RBFOX1: variants seen among roughly 807,000 people sequenced by gnomAD.
The protein encoded by RBFOX1 is RNA binding protein fox-1 homolog 1.
RBFOX1 carries 8 observed loss-of-function variants against 57.7 expected under a neutral mutation model. The ratio of observed to expected loss-of-function variants is 0.14; its 90% confidence interval spans 0.08 to 0.25. The LOEUF (loss-of-function observed/expected upper bound fraction) is 0.25. Ranked by LOEUF, RBFOX1 falls within the 10% of genes least tolerant of loss-of-function variation. The probability of loss-of-function intolerance (pLI) is 1.00; values close to 1 mark genes in which losing one functional copy is unlikely to be tolerated. For synonymous variants in RBFOX1, 326 were observed against 222.4 expected (o/e 1.47, Z -4.15); for missense variants, 611 against 548.5 (o/e 1.11, Z -1.14).
intron 2 of RBFOX1, among the ~76,000 whole-genome samples, chr16:5,563,121 T>G (rs1017655666): frequency 6.6e-6 from 1 of 152,172 alleles, no homozygotes; most frequent in Non-Finnish European, 1.5e-5. Flanking sequence ...GGCTAATTTT[T>G]GCATTTTTGT....
At chr16:7,182,309 GC>G (rs1253220997) in intron 4 of RBFOX1, among the ~76,000 whole-genome samples, 3 of 151,848 alleles carry the variant, frequency 2.0e-5, no homozygotes, top group East Asian at 1.9e-4. Flanking sequence ...AGAGTCACCT[GC>G]CCCCCTGCAA....
chr16:7,362,654 A>G (rs1044039885), intron 4 of RBFOX1, among the ~76,000 whole-genome samples: 5 of 148,866 alleles, frequency 3.4e-5, no homozygotes, highest in African/African-American at 1.3e-4. Flanking sequence ...TAGTATGTGT[A>G]TGTTTTTTAT....
intron 2 of RBFOX1, among the ~76,000 whole-genome samples, chr16:6,641,493 G>A (rs2098487275): frequency 6.6e-6 from 1 of 152,068 alleles, no homozygotes; most frequent in Non-Finnish European, 1.5e-5. Flanking sequence ...CCAGCACTTT[G>A]GGAGGCCGAG....
At position 6,669,560 on chromosome 16, in the gene RBFOX1, T is replaced by C. The variant is rs150982139; in HGVS notation, c.-16+14910T>C. Among the ~76,000 whole-genome samples the C allele has an allele frequency of 1.6e-3, 241 of 152,326 alleles. 2 individuals are homozygous for C. The highest frequency in any genetic ancestry group is 5.4e-3 in the African/African-American group (225 of 41,578). ...ATACAGCTTGACGTTTTGATTTTCA[T>C]ATACATTATGAAAAAGTCGTTAGAA... On this transcript the variant is annotated intron_variant, in intron 3 of 15. Transcript: ENST00000550418.
At chr16:7,048,765 C>T (rs867144437) in intron 3 of RBFOX1, among the ~76,000 whole-genome samples, 1 of 152,090 alleles carries the variant, frequency 6.6e-6, no homozygotes, top group African/African-American at 2.4e-5. Flanking sequence ...TTCTTGGTTC[C>T]TAGTATGCTA....
At chr16:7,133,644 C>A (rs868047399) in intron 4 of RBFOX1, among the ~76,000 whole-genome samples, 4 of 152,054 alleles carry the variant, frequency 2.6e-5, no homozygotes. Context: ...CCTTGTAGAG[C>A]TTTTCTGTAT....
At chr16:7,432,022 A>G (rs2149610784) in intron 4 of RBFOX1, among the ~76,000 whole-genome samples, 1 of 152,306 alleles carries the variant, frequency 6.6e-6, no homozygotes, top group South Asian at 2.1e-4. Flanking sequence ...CGCTCCTTCC[A>G]CTTGCTTTCC....
At chr16:7,692,885 TCTTA>T (rs1040863234) in intron 14 of RBFOX1, among the ~76,000 whole-genome samples, 2 of 101,478 alleles carry the variant, frequency 2.0e-5, no homozygotes, top group Non-Finnish European at 4.5e-5. Flanking sequence ...CAGCACTTTT[TCTTA>T]TTTTTTTTTG....
At chr16:7,253,275 C>T (rs1363878210) in intron 4 of RBFOX1, among the ~76,000 whole-genome samples, 1 of 152,206 alleles carries the variant, frequency 6.6e-6, no homozygotes, top group African/African-American at 2.4e-5. Context: ...ACAAATCATT[C>T]TGTCAGTTCT....
chr16:6,098,587 C>G (rs1249545607), intron 1 of RBFOX1, among the ~76,000 whole-genome samples: 1 of 152,220 alleles, frequency 6.6e-6, no homozygotes, highest in African/African-American at 2.4e-5. Context: ...CTGCTTCAGT[C>G]TTTTGTTTCT....
chr16:7,292,961 G>C (rs115019014), intron 4 of RBFOX1, among the ~76,000 whole-genome samples: 6 of 152,076 alleles, frequency 3.9e-5, no homozygotes, highest in Non-Finnish European at 7.4e-5. Context: ...GTGAGGATAC[G>C]AATTTGTTCT....
chr16:7,488,037 G>T (rs140233933), intron 4 of RBFOX1, among the ~76,000 whole-genome samples: 1 of 152,112 alleles, frequency 6.6e-6, no homozygotes, highest in Non-Finnish European at 1.5e-5. Context: ...GGGGCACCTC[G>T]GCGGAAGTAA....
intron 2 of RBFOX1, among the ~76,000 whole-genome samples, chr16:6,587,708 A>T (rs967550459): frequency 1.3e-5 from 2 of 152,322 alleles, no homozygotes; most frequent in Middle Eastern, 3.4e-3. Flanking sequence ...ATGATTTTTC[A>T]AAGAAAGAAC....
Position 7,149,167 on chromosome 16 carries a change from C to T in RBFOX1, c.27+97069C>T, listed in dbSNP as rs565963323. ...GTATTGGAAATCATTTCCTACTGCC[C>T]AGTTTCCCCAATTCTCCTCCTTCAT... On this transcript the variant is annotated intron_variant, in intron 4 of 15. Coordinates refer to ENST00000550418, the MANE Select transcript of RBFOX1 (RefSeq NM_018723.4). 3.9e-5 allele frequency among the ~76,000 whole-genome samples: 6 copies of T among 152,200 alleles called. No homozygotes were observed. In the East Asian group the frequency reaches 9.7e-4, roughly 25 times the overall value.
chr16:7,645,266 G>A (rs773117363), intron 11 of RBFOX1, among the ~76,000 whole-genome samples: 38 of 152,178 alleles, frequency 2.5e-4, no homozygotes, highest in Admixed American at 2.1e-3. Context: ...GGTGCGCAGT[G>A]TTTTGTGAGT....
chr16:5,657,676 T>TTTCTTTC (rs1567357046), intron 3 of RBFOX1, among the ~76,000 whole-genome samples: 8 of 64,810 alleles, frequency 1.2e-4, no homozygotes, highest in East Asian at 9.3e-4. Context: ...CTTTCTTTTC[T>TTTCTTTC]TTTCTTTCTT....
chr16:5,363,996 C>G (rs2065632717), intron 1 of RBFOX1, among the ~76,000 whole-genome samples: 1 of 152,166 alleles, frequency 6.6e-6, no homozygotes, highest in Non-Finnish European at 1.5e-5. Context: ...AATCAGTTTC[C>G]AAGAGAAGGA....
intron 3 of RBFOX1, among the ~76,000 whole-genome samples, chr16:6,915,385 C>A (rs1012107222): frequency 6.6e-6 from 1 of 152,296 alleles, no homozygotes; most frequent in African/African-American, 2.4e-5. Context: ...CGCAGCTTCC[C>A]AAGCATGTCA....
intron 10 of RBFOX1, 109 bp downstream of exon 10, chr16:7,607,447 C>T (rs909795448): frequency 3.0e-6 from 3 of 1,004,188 alleles, no homozygotes; most frequent in Non-Finnish European, 4.6e-6. Context: ...GAATTCCTAT[C>T]CTAACAAGTT....
Sources: gnomAD v4.1 joint callset for allele counts (sites outside exome capture counted in the v4.1 genomes callset) on GRCh38, gnomAD v4.1.1 for gene constraint, MANE v1.5 for transcripts, NCBI Gene and HGNC (gene_info 2026-07-23, HGNC 2026-07-21) for gene names.